The following PDE5A variants were observed in gnomAD, a reference collection of about 807,000 sequenced individuals.
The protein encoded by PDE5A is cGMP-specific 3',5'-cyclic phosphodiesterase.
PDE5A carries 67 observed loss-of-function variants against 110.2 expected under a neutral mutation model. The observed-to-expected ratio is 0.61, with a 90% CI of 0.50 to 0.75. The LOEUF (loss-of-function observed/expected upper bound fraction) is 0.75. Among genes scored for constraint, PDE5A ranks in the 30% least tolerant of loss-of-function variants. The pLI, the probability that PDE5A is intolerant of heterozygous loss-of-function variation, is 0.00. For missense variants in PDE5A, 862 were observed against 1,045.1 expected, an observed-to-expected ratio of 0.82 and a Z score of 2.42; for synonymous variants, 328 against 351.2, an observed-to-expected ratio of 0.93 and a Z score of 0.74.
chr4:119,547,838 T>C (rs1204081195), intron 9 of PDE5A, among the ~76,000 whole-genome samples: 1 of 152,076 alleles, frequency 6.6e-6, no homozygotes, highest in Admixed American at 6.5e-5. Context: ...ACTGACTTTA[T>C]GTTGCATATC....
chr4:119,570,724 T>C (rs867081790), intron 3 of PDE5A, among the ~76,000 whole-genome samples: 5 of 152,174 alleles, frequency 3.3e-5, no homozygotes, highest in Middle Eastern at 3.4e-3. Flanking sequence ...CCATCCCCGG[T>C]TCAGGGGATG....
chr4:119,545,560 C>A (rs1337643508), intron 9 of PDE5A, among the ~76,000 whole-genome samples: 1 of 152,116 alleles, frequency 6.6e-6, no homozygotes, highest in Non-Finnish European at 1.5e-5. Context: ...ATCAGTGTTA[C>A]CTAATATTAT....
intron 1 of PDE5A, among the ~76,000 whole-genome samples, chr4:119,609,969 T>G (rs1390466031): frequency 6.6e-6 from 1 of 152,206 alleles, no homozygotes; most frequent in African/African-American, 2.4e-5. Flanking sequence ...ACTGGCCTTA[T>G]GAATTGACTG....
chr4:119,546,389 T>C (rs1273025537), intron 9 of PDE5A, among the ~76,000 whole-genome samples: 1 of 152,178 alleles, frequency 6.6e-6, no homozygotes, highest in Non-Finnish European at 1.5e-5. Context: ...CCCTACTCTG[T>C]TACATACAGT....
chr4:119,565,462 A>G, intron 4 of PDE5A, 52 bp from the exon 5 acceptor site: 1 of 1,170,920 alleles, frequency 8.5e-7, no homozygotes, highest in Non-Finnish European at 1.3e-6. Context: ...CAGTCTAGTT[A>G]CATTGCCTGA....
intron 18 of PDE5A, 127 bp downstream of exon 18, chr4:119,504,409 A>G: frequency 1.5e-6 from 1 of 662,488 alleles, no homozygotes; most frequent in South Asian, 2.0e-5. Context: ...TGGTGCTGTG[A>G]TGAACATATA....
intron 17 of PDE5A, among the ~76,000 whole-genome samples, chr4:119,505,610 T>G (rs1725523997): frequency 6.6e-6 from 1 of 151,960 alleles, no homozygotes. Context: ...ATATTGATAC[T>G]CTACCACATT....
At chr4:119,547,640 T>C (rs1302845818) in intron 9 of PDE5A, among the ~76,000 whole-genome samples, 1 of 152,096 alleles carries the variant, frequency 6.6e-6, no homozygotes, top group African/African-American at 2.4e-5. Flanking sequence ...GTTATGTTAA[T>C]AGAACAATTA....
Position 119,498,355 on chromosome 4 carries a change from T to C in PDE5A, c.*246A>G. On this transcript the variant is annotated 3_prime_UTR_variant, in exon 21 of 21. Transcript: ENST00000354960. ...CGAAATATCACAAACAATGCTTTTA[T>C]CAATGTGCTAACAGTGGATGTTGTT... The C allele has an allele frequency of 2.4e-6, 1 of 413,162 alleles. No homozygotes were observed. The highest frequency in any genetic ancestry group is 4.4e-6 in the Non-Finnish European group (1 of 229,276). 25.6% of individuals were successfully genotyped at this position (413,162 alleles called of 1,614,324 possible). A position where few individuals can be genotyped will look rare whatever the true frequency, so the allele number is the denominator to read the frequency against.
chr4:119,511,280 A>G (rs1725734510), intron 14 of PDE5A, 146 bp from the exon 15 acceptor site: 1 of 585,378 alleles, frequency 1.7e-6, no homozygotes, highest in Admixed American at 2.9e-5. Flanking sequence ...TACTGAGAAA[A>G]GTGTGAGATA....
chr4:119,599,764 G>A (rs75230707), intron 2 of PDE5A, among the ~76,000 whole-genome samples: 254 of 148,162 alleles, frequency 1.7e-3, no homozygotes, highest in African/African-American at 6.1e-3. Context: ...TATATTTGGA[G>A]TCCCAAAGAT....
rs1730455852 is a variant in PDE5A at position 119,628,732 on chromosome 4, G to C, written c.-61C>G. The C allele has an allele frequency of 6.3e-7, 1 of 1,591,302 alleles. No homozygotes were observed. Among genetic ancestry groups the C allele is most frequent in the Non-Finnish European group, 8.5e-7 (1 of 1,174,012 alleles). ...TGCTTTTCCACCCCAGCTGGGGTCC[G>C]TCCCTCAGAAGAACAGGACTCGGCC... On this transcript the variant is annotated 5_prime_UTR_variant, in exon 1 of 21. Coordinates refer to ENST00000354960, the MANE Select transcript of PDE5A (RefSeq NM_001083.4).
intron 13 of PDE5A, 35 bp from the exon 14 acceptor site, chr4:119,519,174 C>T: frequency 1.3e-6 from 2 of 1,482,022 alleles, no homozygotes; most frequent in Non-Finnish European, 1.9e-6. Flanking sequence ...AAAGAGAGAA[C>T]AAATATAATG....
rs903933080 is a variant in PDE5A at position 119,530,861 on chromosome 4, G to A, written c.1633-5166C>T. The stretch of plus-strand genomic sequence containing the variant: ...TGGCGGAAACAACCAATATGTTGTG[G>A]TACATGCCTTTTTCTCTTAAAGTTC... On this transcript the variant is annotated intron_variant, in intron 11 of 20. Transcript: ENST00000354960. Among the ~76,000 whole-genome samples the A allele has an allele frequency of 5.3e-5, 8 of 152,134 alleles. No individual in the cohort carries two copies. The East Asian group carries it at 1.5e-3, about 29-fold the overall frequency.
In PDE5A at chr4:119,606,817, T is replaced by G. The variant is rs776237223; in HGVS notation, c.633A>C (p.Ser211=). 1.2e-6 allele frequency: 2 copies of G among 1,614,168 alleles called. No homozygotes were observed. The highest frequency in any genetic ancestry group is 1.7e-6 in the Non-Finnish European group (2 of 1,180,012). ...AGTTATTTGAAACTTCTTCCAGTGT[T>G]GAACCTTCAGCAACATCAAAGAGGC... The part of the protein sequence containing the change: ...ISRLFDVAEG[S]TLEEVSNNCI... Residue 211 remains serine (S), a synonymous_variant, in exon 2 of 21, where the codon TCA becomes TCC. Transcript: ENST00000354960.
intron 10 of PDE5A, among the ~76,000 whole-genome samples, chr4:119,540,808 G>C (rs1340942466): frequency 6.6e-6 from 1 of 152,038 alleles, no homozygotes; most frequent in African/African-American, 2.4e-5. Flanking sequence ...TGAGGGGTTT[G>C]TGCCCTTGGC....
chr4:119,552,473 A>G (rs1478279512), intron 9 of PDE5A, 77 bp downstream of exon 9: 1 of 516,106 alleles, frequency 1.9e-6, no homozygotes, highest in Non-Finnish European at 3.3e-6. Context: ...TATTCTTTAC[A>G]TTTGAAAGAA....
intron 3 of PDE5A, among the ~76,000 whole-genome samples, chr4:119,572,981 AC>A (rs1728194906): frequency 6.6e-6 from 1 of 152,178 alleles, no homozygotes; most frequent in African/African-American, 2.4e-5. Context: ...TATACACAAA[AC>A]ATAGTACTTT....
intron 15 of PDE5A, among the ~76,000 whole-genome samples, chr4:119,508,201 T>C (rs1206098308): frequency 6.6e-6 from 1 of 151,940 alleles, no homozygotes; most frequent in Non-Finnish European, 1.5e-5. Context: ...CATCTTAATA[T>C]AGATGGGTAA....
Sources: gnomAD v4.1 joint callset for allele counts (sites outside exome capture counted in the v4.1 genomes callset) on GRCh38, gnomAD v4.1.1 for gene constraint, MANE v1.5 for transcripts, NCBI Gene and HGNC (gene_info 2026-07-23, HGNC 2026-07-21) for gene names.